The following TAFA1 variants were observed in gnomAD, a reference collection of about 807,000 sequenced individuals.
The protein encoded by TAFA1 is chemokine-like protein TAFA-1.
Under a neutral mutation model 18.5 loss-of-function variants are expected in TAFA1, and 4 were observed. The observed-to-expected ratio is 0.22, with a 90% CI of 0.11 to 0.49. TAFA1 has a LOEUF of 0.49. TAFA1 is among the 20% of genes least tolerant of loss of function. TAFA1 has a pLI of 0.98. For missense variants in TAFA1, 147 were observed against 169.0 expected, an observed-to-expected ratio of 0.87 and a Z score of 0.72; for synonymous variants, 56 against 55.2, an observed-to-expected ratio of 1.01 and a Z score of -0.06.
At chr3:68,338,878 G>T (rs1262194143) in intron 2 of TAFA1, among the ~76,000 whole-genome samples, 5 of 152,160 alleles carry the variant, frequency 3.3e-5, no homozygotes, top group Admixed American at 3.3e-4. Flanking sequence ...TCTAAGCAAG[G>T]CTTGGATTCG....
intron 2 of TAFA1, among the ~76,000 whole-genome samples, chr3:68,080,579 G>A (rs1409523540): frequency 6.6e-6 from 1 of 152,086 alleles, no homozygotes; most frequent in Non-Finnish European, 1.5e-5. Context: ...ATGAAGCATA[G>A]TTTGGCTGGA....
upstream of TAFA1, among the ~76,000 whole-genome samples, chr3:68,001,348 CATG>C (rs557113987): frequency 4.7e-4 from 71 of 152,298 alleles, 2 homozygotes; most frequent in South Asian, 0.015. Context: ...GAGACTCCTA[CATG>C]AAGGTTATCT....
chr3:68,485,826 T>A (rs1367490297), intron 3 of TAFA1, among the ~76,000 whole-genome samples: 1 of 152,168 alleles, frequency 6.6e-6, no homozygotes, highest in African/African-American at 2.4e-5. Context: ...CAGTAAGCAT[T>A]TAAGAGGAAA....
Position 68,376,262 on chromosome 3 carries a change from T to G in TAFA1, c.119-41018T>G, listed in dbSNP as rs563760628. On this transcript the variant is annotated intron_variant, in intron 2 of 4. Transcript: ENST00000478136. ...TATCCTAGTTCTTTTTTTTTTTAAC[T>G]TTTATTTTAAGTTCAGGGGTACATA... is the stretch of plus-strand genomic sequence containing the variant. 2.6e-5 allele frequency among the ~76,000 whole-genome samples: 4 copies of G among 152,184 alleles called. No homozygotes were observed. The South Asian group carries it at 8.3e-4, about 32-fold the overall frequency.
At chr3:68,453,210 T>C (rs1267408133) in intron 3 of TAFA1, among the ~76,000 whole-genome samples, 1 of 152,150 alleles carries the variant, frequency 6.6e-6, no homozygotes, top group Non-Finnish European at 1.5e-5. Context: ...CCCCAAACCC[T>C]CTGTCTTGAC....
intron 2 of TAFA1, among the ~76,000 whole-genome samples, chr3:68,032,220 C>A (rs1210333145): frequency 6.6e-6 from 1 of 151,840 alleles, no homozygotes; most frequent in African/African-American, 2.4e-5. Flanking sequence ...TCAAACAATG[C>A]CTTAAAATAT....
At chr3:68,455,984 G>A (rs560548923) in intron 3 of TAFA1, among the ~76,000 whole-genome samples, 15 of 152,220 alleles carry the variant, frequency 9.9e-5, no homozygotes, top group African/African-American at 2.9e-4. Context: ...TGGTGTTTGG[G>A]AGCAAGTAGA....
chr3:68,062,744 T>C (rs1050877945), intron 2 of TAFA1, among the ~76,000 whole-genome samples: 1 of 152,136 alleles, frequency 6.6e-6, no homozygotes, highest in African/African-American at 2.4e-5. Context: ...ATTTGAATTA[T>C]GAGTTGAAAT....
In TAFA1 at chr3:68,006,747, A is replaced by C. The variant is rs933144736; in HGVS notation, c.118+3A>C. 3.1e-6 allele frequency: 5 copies of C among 1,605,492 alleles called. No individual in the cohort carries two copies. The Admixed American group carries it at 6.7e-5, about 21-fold the overall frequency. On this transcript the variant is annotated splice_donor_region_variant and intron_variant, in intron 2 of 4. Transcript: ENST00000478136. ...GCAGCATCACCTGCACAGACCAGGTAAGTCAGGAGCTGGCTCCACTGCAGC... is the reference window on the plus strand; with the variant it reads ...GCAGCATCACCTGCACAGACCAGGTCAGTCAGGAGCTGGCTCCACTGCAGC...
At chr3:68,230,303 T>C (rs2066856576) in intron 2 of TAFA1, among the ~76,000 whole-genome samples, 1 of 150,854 alleles carries the variant, frequency 6.6e-6, no homozygotes, top group African/African-American at 2.4e-5. Context: ...CTGATAACCG[T>C]CATTCTATTC....
intron 3 of TAFA1, among the ~76,000 whole-genome samples, chr3:68,480,653 T>C (rs1048631583): frequency 6.6e-6 from 1 of 152,166 alleles, no homozygotes; most frequent in African/African-American, 2.4e-5. Flanking sequence ...ATAAACTCTT[T>C]GAGAGCAAAG....
At chr3:68,513,674 A>T (rs1456943309) in intron 3 of TAFA1, among the ~76,000 whole-genome samples, 1 of 152,148 alleles carries the variant, frequency 6.6e-6, no homozygotes, top group Non-Finnish European at 1.5e-5. Context: ...CTCGAGAAAC[A>T]CTAACTCATT....
chr3:68,392,373 G>C (rs1017988289), intron 2 of TAFA1, among the ~76,000 whole-genome samples: 5 of 152,088 alleles, frequency 3.3e-5, no homozygotes, highest in African/African-American at 1.2e-4. Flanking sequence ...AGTCCTTAGA[G>C]ACCTACAAAA....
intron 2 of TAFA1, among the ~76,000 whole-genome samples, chr3:68,210,113 C>T (rs115126914): frequency 0.016 from 2,456 of 152,006 alleles, 76 homozygotes; most frequent in African/African-American, 0.056. Flanking sequence ...ACCACTAACT[C>T]CTGTTTTTGA....
chr3:68,346,661 T>A (rs995017020), intron 2 of TAFA1, among the ~76,000 whole-genome samples: 1 of 152,214 alleles, frequency 6.6e-6, no homozygotes, highest in Non-Finnish European at 1.5e-5. Flanking sequence ...TGACAACTGC[T>A]GTACACAGAA....
chr3:68,268,164 A>G (rs950947488), intron 2 of TAFA1, among the ~76,000 whole-genome samples: 1 of 152,162 alleles, frequency 6.6e-6, no homozygotes, highest in Non-Finnish European at 1.5e-5. Context: ...GTTCTAAGGT[A>G]TTTGACTGCC....
intron 2 of TAFA1, among the ~76,000 whole-genome samples, chr3:68,262,454 C>T (rs1174887266): frequency 2.0e-5 from 3 of 149,894 alleles, no homozygotes; most frequent in Non-Finnish European, 4.4e-5. Flanking sequence ...CTTTAGTAGT[C>T]CACCATATCT....
At chr3:68,227,301 A>G (rs1296784278) in intron 2 of TAFA1, among the ~76,000 whole-genome samples, 1 of 152,234 alleles carries the variant, frequency 6.6e-6, no homozygotes, top group South Asian at 2.1e-4. Context: ...ATCATATGTC[A>G]TTAGATAATC....
chr3:68,402,462 T>A (rs1458726975), intron 2 of TAFA1, among the ~76,000 whole-genome samples: 1 of 152,198 alleles, frequency 6.6e-6, no homozygotes. Flanking sequence ...GGATGCTGTA[T>A]GTAACTCGGT....
Sources: gnomAD v4.1 joint callset for allele counts (sites outside exome capture counted in the v4.1 genomes callset) on GRCh38, gnomAD v4.1.1 for gene constraint, MANE v1.5 for transcripts, NCBI Gene and HGNC (gene_info 2026-07-23, HGNC 2026-07-21) for gene names.